DLG2: variants seen among roughly 807,000 people sequenced by gnomAD.
The protein encoded by DLG2 is discs large MAGUK scaffold protein 2, also known as disks large homolog 2.
In DLG2, 45 loss-of-function variants were observed where a neutral mutation model predicts 132.5. That is an observed-to-expected ratio of 0.34 (90% CI 0.27 to 0.44). The LOEUF is 0.44. DLG2 is among the 20% of genes least tolerant of loss of function. DLG2 has a pLI of 1.00. For missense variants in DLG2, 1,045 were observed against 1,196.9 expected, an observed-to-expected ratio of 0.87 and a Z score of 1.87; for synonymous variants, 424 against 419.6, an observed-to-expected ratio of 1.01 and a Z score of -0.13.
At chr11:84,711,377 AG>A (rs2060416787) in intron 6 of DLG2, among the ~76,000 whole-genome samples, 3 of 65,860 alleles carry the variant, frequency 4.6e-5, no homozygotes, top group East Asian at 3.3e-4. Flanking sequence ...AGAGAGAGAG[AG>A]AGATCGATCG....
At chr11:83,923,829 G>C (rs562781458) in intron 15 of DLG2, among the ~76,000 whole-genome samples, 1 of 152,118 alleles carries the variant, frequency 6.6e-6, no homozygotes, top group Non-Finnish European at 1.5e-5. Flanking sequence ...GTGGCAGAGT[G>C]ATCTTTTTAA....
intron 6 of DLG2, among the ~76,000 whole-genome samples, chr11:84,694,334 T>G (rs1565681980): frequency 6.6e-6 from 1 of 151,654 alleles, no homozygotes; most frequent in Non-Finnish European, 1.5e-5. Flanking sequence ...ATGTGAGCAC[T>G]TGAACGAATC....
intron 7 of DLG2, among the ~76,000 whole-genome samples, chr11:84,467,701 T>C (rs2099098148): frequency 6.6e-6 from 1 of 151,366 alleles, no homozygotes; most frequent in Non-Finnish European, 1.5e-5. Context: ...GGGTGAATAG[T>C]AGGGGAATTT....
At chr11:85,089,070 T>G (rs139603232) in intron 6 of DLG2, among the ~76,000 whole-genome samples, 2 of 152,202 alleles carry the variant, frequency 1.3e-5, no homozygotes, top group Non-Finnish European at 2.9e-5. Flanking sequence ...CACTTGAGGG[T>G]CCAAAGTCTC....
chr11:83,917,319 G>A (rs1381211357), intron 15 of DLG2, among the ~76,000 whole-genome samples: 8 of 152,296 alleles, frequency 5.3e-5, no homozygotes, highest in African/African-American at 1.9e-4. Flanking sequence ...CAGAGTGGCT[G>A]AGAATTTTGC....
chr11:84,808,543 A>G (rs1182564044), intron 6 of DLG2, among the ~76,000 whole-genome samples: 4 of 152,060 alleles, frequency 2.6e-5, no homozygotes, highest in Admixed American at 2.6e-4. Flanking sequence ...GTTTAATAAG[A>G]TCAATAAAAT....
At chr11:83,838,904 A>G (rs1458553087) in intron 16 of DLG2, among the ~76,000 whole-genome samples, 1 of 152,234 alleles carries the variant, frequency 6.6e-6, no homozygotes, top group Non-Finnish European at 1.5e-5. Context: ...GGAGGGAATC[A>G]TATTTTAATA....
At chr11:85,554,280 AT>A (rs887963526) in intron 3 of DLG2, among the ~76,000 whole-genome samples, 6 of 151,988 alleles carry the variant, frequency 3.9e-5, no homozygotes, top group African/African-American at 1.4e-4. Flanking sequence ...AACATAAAAA[AT>A]ATTAGAGAAA....
At chr11:84,139,393 T>C (rs2094742650) in intron 9 of DLG2, among the ~76,000 whole-genome samples, 1 of 152,020 alleles carries the variant, frequency 6.6e-6, no homozygotes, top group Non-Finnish European at 1.5e-5. Flanking sequence ...AGGAAATAGT[T>C]AAAGAAATGT....
chr11:84,236,047 A>T (rs542474824), intron 8 of DLG2, among the ~76,000 whole-genome samples: 1 of 87,618 alleles, frequency 1.1e-5, no homozygotes, highest in African/African-American at 3.2e-5. Flanking sequence ...TCTCCATTTT[A>T]TTAAAAAAAA....
chr11:84,658,025 A>T (rs1467569811), intron 6 of DLG2, among the ~76,000 whole-genome samples: 1 of 152,156 alleles, frequency 6.6e-6, no homozygotes, highest in South Asian at 2.1e-4. Context: ...TTATTTCTGG[A>T]CAATGTAATT....
At chr11:84,496,236 G>T (rs1449350717) in intron 7 of DLG2, among the ~76,000 whole-genome samples, 5 of 152,112 alleles carry the variant, frequency 3.3e-5, no homozygotes, top group Non-Finnish European at 5.9e-5. Flanking sequence ...TTACTTAATT[G>T]CCAGGAAAGA....
intron 6 of DLG2, among the ~76,000 whole-genome samples, chr11:84,891,617 G>C (rs2089408018): frequency 1.3e-5 from 2 of 152,040 alleles, no homozygotes; most frequent in South Asian, 4.1e-4. Flanking sequence ...AAAATATATA[G>C]TATTGGCATA....
chr11:84,605,508 A>T (rs933798960), intron 6 of DLG2, among the ~76,000 whole-genome samples: 4 of 151,598 alleles, frequency 2.6e-5, no homozygotes, highest in African/African-American at 9.7e-5. Flanking sequence ...TTTAATTCAC[A>T]TTCCATTGCT....
At chr11:83,593,772 A>G (rs956245649) in intron 19 of DLG2, among the ~76,000 whole-genome samples, 4 of 152,028 alleles carry the variant, frequency 2.6e-5, no homozygotes, top group African/African-American at 9.7e-5. Flanking sequence ...TAAAAACACG[A>G]ACATAAAATT....
chr11:84,325,206 G>T lies in DLG2; in HGVS notation c.520-73915C>A, dbSNP rs540082244. 1.6e-3 allele frequency among the ~76,000 whole-genome samples: 238 copies of T among 151,668 alleles called. 1 individual carries two copies. Among genetic ancestry groups the T allele is most frequent in the Non-Finnish European group, 2.6e-3 (174 of 67,890 alleles). On this transcript the variant is annotated intron_variant, in intron 7 of 27. Transcript: ENST00000376104. ...TTTCTTCTATTCCTAATTTGTTGAG[G>T]TTTTTTTTAAATTTAATTATTATAC...
chr11:83,816,603 A>C (rs2153973557), intron 17 of DLG2, among the ~76,000 whole-genome samples: 1 of 152,272 alleles, frequency 6.6e-6, no homozygotes, highest in East Asian at 1.9e-4. Context: ...CAGAGAATCT[A>C]GGTTTGAATT....
chr11:85,131,227 T>G (rs1355403886), intron 5 of DLG2, among the ~76,000 whole-genome samples: 1 of 152,164 alleles, frequency 6.6e-6, no homozygotes, highest in African/African-American at 2.4e-5. Flanking sequence ...GGCACTTGGA[T>G]TTCGGTATTG....
chr11:83,883,218 A>AT (rs1303223413), intron 15 of DLG2, among the ~76,000 whole-genome samples: 1 of 151,846 alleles, frequency 6.6e-6, no homozygotes, highest in Non-Finnish European at 1.5e-5. Flanking sequence ...GAGGGTCAAG[A>AT]TTTTTTCTGG....
Sources: gnomAD v4.1 joint callset for allele counts (sites outside exome capture counted in the v4.1 genomes callset) on GRCh38, gnomAD v4.1.1 for gene constraint, MANE v1.5 for transcripts, NCBI Gene and HGNC (gene_info 2026-07-23, HGNC 2026-07-21) for gene names.